The following MYO3A variants were observed in gnomAD, a reference collection of about 807,000 sequenced individuals.
The protein encoded by MYO3A is myosin IIIA.
Under a neutral mutation model 192.7 loss-of-function variants are expected in MYO3A, and 180 were observed. The observed-to-expected ratio is 0.93, with a 90% CI of 0.83 to 1.06. MYO3A has a LOEUF of 1.06. Among genes scored for constraint, MYO3A ranks in the 50% least tolerant of loss-of-function variants. MYO3A has a pLI of 0.00. For synonymous variants in MYO3A, 628 were observed against 645.3 expected (o/e 0.97, Z 0.41); for missense variants, 1,896 against 1,905.0 (o/e 1.00, Z 0.09).
At chr10:26,176,893 G>A (rs776547905) in intron 31 of MYO3A, 48 bp downstream of exon 31, 1 of 1,595,766 alleles carries the variant, frequency 6.3e-7, no homozygotes, top group South Asian at 1.1e-5. Flanking sequence ...GGAAATGCCA[G>A]ATACTTTGTT....
chr10:25,994,423 G>T (rs571061458), intron 4 of MYO3A, among the ~76,000 whole-genome samples: 4 of 152,176 alleles, frequency 2.6e-5, no homozygotes, highest in South Asian at 4.2e-4. Context: ...ACATGAGATG[G>T]GTCTCCTGAA....
At chr10:25,947,917 AAAC>A (rs1175573171) in intron 2 of MYO3A, among the ~76,000 whole-genome samples, 2 of 152,198 alleles carry the variant, frequency 1.3e-5, no homozygotes, top group Non-Finnish European at 2.9e-5. Context: ...GTAGTGGAGA[AAAC>A]AAAACATAAT....
At chr10:26,082,076 C>T (rs1418756485) in intron 14 of MYO3A, among the ~76,000 whole-genome samples, 1 of 152,202 alleles carries the variant, frequency 6.6e-6, no homozygotes, top group Non-Finnish European at 1.5e-5. Flanking sequence ...AGTCCTGTCT[C>T]CCATCTGCCA....
At chr10:26,085,378 T>A (rs1321880706) in intron 14 of MYO3A, among the ~76,000 whole-genome samples, 4 of 152,230 alleles carry the variant, frequency 2.6e-5, no homozygotes, top group African/African-American at 9.6e-5. Context: ...TCTTTTTTAA[T>A]GTAGGAATTT....
At chr10:26,166,545 A>G (rs1372213181) in intron 27 of MYO3A, among the ~76,000 whole-genome samples, 1 of 152,202 alleles carries the variant, frequency 6.6e-6, no homozygotes, top group Non-Finnish European at 1.5e-5. Context: ...CTCTAAAGAA[A>G]AGTTTACATT....
intron 14 of MYO3A, among the ~76,000 whole-genome samples, chr10:26,073,765 C>T (rs1835361972): frequency 6.6e-6 from 1 of 152,084 alleles, no homozygotes; most frequent in Non-Finnish European, 1.5e-5. Flanking sequence ...ACATGCCATT[C>T]TTGCAAATTT....
At position 25,997,221 on chromosome 10, in the gene MYO3A, A is replaced by G. The variant is rs759720693; in HGVS notation, c.471A>G (p.Leu157=). 1 of 1,613,440 alleles carries G rather than the reference A, an allele frequency of 6.2e-7. No individual in the cohort carries two copies. ...IHRDVKGNNI[L]LTTEGGVKLV... ...GAGATGTGAAAGGCAATAACATTCT[A>G]TTGACCACGGAAGGTGGAGTGAAAC... The change falls in exon 6 of 35, where the codon CTA becomes CTG. Residue 157 remains leucine, a synonymous_variant. Transcript: ENST00000642920.
chr10:25,973,350 G>A (rs1206009802), intron 4 of MYO3A, among the ~76,000 whole-genome samples: 1 of 152,160 alleles, frequency 6.6e-6, no homozygotes. Flanking sequence ...AAACTTTGCT[G>A]AAGTTATTTA....
At chr10:26,182,768 T>G (rs971427797) in intron 31 of MYO3A, among the ~76,000 whole-genome samples, 2 of 152,224 alleles carry the variant, frequency 1.3e-5, no homozygotes, top group African/African-American at 4.8e-5. Flanking sequence ...ATTTTGGTTG[T>G]TTGGCTGTAT....
chr10:26,172,549 A>G (rs903856419), intron 29 of MYO3A, among the ~76,000 whole-genome samples: 6 of 152,236 alleles, frequency 3.9e-5, no homozygotes, highest in Non-Finnish European at 8.8e-5. Flanking sequence ...AAACTAACTT[A>G]TAAATGGATT....
chr10:26,053,667 C>A (rs1588868559), intron 10 of MYO3A, among the ~76,000 whole-genome samples: 2 of 151,994 alleles, frequency 1.3e-5, no homozygotes, highest in Admixed American at 6.6e-5. Flanking sequence ...CTACTAAAAA[C>A]ACAAAAAATT....
chr10:26,118,600 T>A (rs1330549376), intron 17 of MYO3A, among the ~76,000 whole-genome samples: 1 of 152,002 alleles, frequency 6.6e-6, no homozygotes. Context: ...TCTCTGGTAG[T>A]TTTCTCTGGC....
At chr10:25,973,520 A>C (rs936901692) in intron 4 of MYO3A, among the ~76,000 whole-genome samples, 1 of 152,096 alleles carries the variant, frequency 6.6e-6, no homozygotes, top group African/African-American at 2.4e-5. Context: ...TACTATGTTG[A>C]AAAGGAGTGG....
At chr10:26,050,765 C>T (rs1156637487) in intron 10 of MYO3A, among the ~76,000 whole-genome samples, 1 of 151,030 alleles carries the variant, frequency 6.6e-6, no homozygotes, top group Admixed American at 6.6e-5. Flanking sequence ...TTTCTTTAGC[C>T]TCCAGACATC....
intron 17 of MYO3A, among the ~76,000 whole-genome samples, chr10:26,115,950 A>C (rs1838477768): frequency 6.6e-6 from 1 of 152,220 alleles, no homozygotes; most frequent in East Asian, 1.9e-4. Context: ...TAAGTATTTA[A>C]ATTTAAGTCA....
intron 30 of MYO3A, among the ~76,000 whole-genome samples, chr10:26,176,449 G>T (rs1012301701): frequency 6.6e-6 from 1 of 152,248 alleles, no homozygotes; most frequent in African/African-American, 2.4e-5. Context: ...GATCAGAACA[G>T]AATTCTGCAT....
At chr10:26,113,753 T>C (rs1838335530) in intron 17 of MYO3A, among the ~76,000 whole-genome samples, 1 of 152,188 alleles carries the variant, frequency 6.6e-6, no homozygotes, top group African/African-American at 2.4e-5. Flanking sequence ...TTGACACTGC[T>C]TATTTCTGGC....
At chr10:26,008,563 C>T (rs1432648466) in intron 6 of MYO3A, among the ~76,000 whole-genome samples, 11 of 150,192 alleles carry the variant, frequency 7.3e-5, no homozygotes, top group East Asian at 1.9e-4. Flanking sequence ...AAAAAGTGGG[C>T]GAAGGATATG....
At chr10:26,102,264 T>C (rs1837503569) in intron 17 of MYO3A, among the ~76,000 whole-genome samples, 1 of 152,216 alleles carries the variant, frequency 6.6e-6, no homozygotes. Context: ...GTTTAAGGTC[T>C]TCTCTACACT....
Sources: allele counts gnomAD v4.1 joint callset (sites outside exome capture counted in the v4.1 genomes callset), GRCh38; gene constraint gnomAD v4.1.1; transcripts MANE v1.5; gene names NCBI Gene and HGNC (gene_info 2026-07-23, HGNC 2026-07-21).